Variants in MRC2 observed in about 807,000 individuals in gnomAD.
MRC2 encodes mannose receptor C-type 2.
A neutral mutation model predicts 206.2 loss-of-function variants in MRC2; 84 were observed. The ratio of observed to expected loss-of-function variants is 0.41; its 90% CI spans 0.34 to 0.49. The LOEUF is 0.49. Among genes scored for constraint, MRC2 ranks in the 20% least tolerant of loss-of-function variants. The probability of loss-of-function intolerance (pLI) is 0.31; values close to 1 mark genes in which losing one functional copy is unlikely to be tolerated. For missense variants in MRC2, 1,676 were observed against 2,001.5 expected (o/e 0.84, Z 3.10); for synonymous variants, 798 against 800.0 (o/e 1.00, Z 0.04).
In MRC2 at chr17:62,630,132, G is replaced by A. The variant is rs189994484; in HGVS notation, c.118+2212G>A. Among the ~76,000 whole-genome samples, 24 of 152,342 alleles carry A rather than the reference G, an allele frequency of 1.6e-4. No individual in the cohort carries two copies. The East Asian group carries it at 4.6e-3, about 29-fold the overall frequency. Reference sequence around the variant, plus strand: ...GTTCTTGGGGAGGAGGGAAGGTAGAGAAGAGTGTAAGATGCATCCTCTGGA... The same window carrying A: ...GTTCTTGGGGAGGAGGGAAGGTAGAAAAGAGTGTAAGATGCATCCTCTGGA... On this transcript the variant is annotated intron_variant, in intron 1 of 29. Transcript: ENST00000303375.
At position 62,636,082 on chromosome 17, in the gene MRC2, C is replaced by T. The variant is rs575055279; in HGVS notation, c.118+8162C>T. Among the ~76,000 whole-genome samples the T allele has an allele frequency of 5.6e-3, 843 of 151,800 alleles. 9 individuals carry two copies. Among genetic ancestry groups the T allele is most frequent in the African/African-American group, 0.019 (799 of 41,410 alleles). On this transcript the variant is annotated intron_variant, in intron 1 of 29. Coordinates refer to ENST00000303375, the MANE Select transcript of MRC2 (RefSeq NM_006039.5). The stretch of plus-strand genomic sequence containing the variant: ...GATTACAGGCGTGAGCCACCGCGCC[C>T]GGCCAATTTTTTTTTTTTTAAATTA...
chr17:62,659,976 G>A (rs1000197333), intron 1 of MRC2, among the ~76,000 whole-genome samples: 16 of 152,210 alleles, frequency 1.1e-4, no homozygotes, highest in Non-Finnish European at 1.8e-4. Flanking sequence ...TAGGTGCTGG[G>A]GTTACAGTGG....
intron 1 of MRC2, among the ~76,000 whole-genome samples, chr17:62,631,816 C>T (rs371179623): frequency 6.6e-6 from 1 of 152,172 alleles, no homozygotes; most frequent in African/African-American, 2.4e-5. Context: ...TCCAGCTTCC[C>T]TGAGGTCAAG....
rs2088952667 is a variant in MRC2, at chr17:62,680,659, A to C, written c.2474-141A>C. ...GCAAGCCTGGGGCCTGGGGCCTGGCACGGTGCCTGCCTGGGTCCGGTGTGC... is the reference window on the plus strand; with the variant it reads ...GCAAGCCTGGGGCCTGGGGCCTGGCCCGGTGCCTGCCTGGGTCCGGTGTGC... On this transcript the variant is annotated intron_variant, in intron 16 of 29. Transcript: ENST00000303375. The surrounding 1 kb of genome is among the most constrained non-coding windows in gnomAD (Gnocchi z 4.8). 7.8e-7 allele frequency: 1 copy of C among 1,287,560 alleles called. No individual in the cohort carries two copies. The highest frequency in any genetic ancestry group is 1.0e-6 in the Non-Finnish European group (1 of 964,238). The allele number at this position is 1,287,560 out of a possible 1,614,324, so 79.8% of individuals were successfully genotyped here. A position where few individuals can be genotyped will look rare whatever the true frequency, so the allele number is the denominator to read the frequency against.
rs1384265451 is a variant in MRC2 at position 62,664,752 on chromosome 17, G to C, written c.323G>C (p.Gly108Ala). ...WPGTNTTASL[G>A]MYECDREALN... ...GGCACCAACACCACGGCCTCCCTGG[G>C]CATGTATGAGTGTGACCGGGAAGCA... Residue 108 changes from glycine to alanine, a missense_variant, in exon 2 of 30, where the codon GGC (glycine) becomes GCC (alanine). Gly to Ala is a moderately conservative substitution (Grantham distance 60). Transcript: ENST00000303375. The surrounding 1 kb of genome is among the most constrained non-coding windows in gnomAD (Gnocchi z 4.7). 6.2e-7 allele frequency: 1 copy of C among 1,614,030 alleles called. No individual in the cohort carries two copies. Among genetic ancestry groups the C allele is most frequent in the Admixed American group, 1.7e-5 (1 of 60,034 alleles).
Position 62,678,590 on chromosome 17 carries a change from C to A in MRC2, c.2139C>A (p.Ser713Arg). 1 of 1,610,436 alleles carries A rather than the reference C, an allele frequency of 6.2e-7. No homozygotes were observed. ...AGGAGCTGGGGGCCCAGCTGCTGAG[C>A]CTGGCCAGCTACGAGGAGGAGCACT... ...ACQELGAQLL[S>R]LASYEEEHFV... Residue 713 changes from serine to arginine, a missense_variant, in exon 13 of 30, where the codon AGC becomes AGA. Ser to Arg is a moderately radical substitution (Grantham distance 110). Around this residue, in one of 3 missense-constraint regions of MRC2, gnomAD observed 1,354 missense variants for 1,636.6 expected, o/e 0.83. Coordinates refer to ENST00000303375, the MANE Select transcript of MRC2 (RefSeq NM_006039.5).
At chr17:62,634,467 A>G (rs2088287390) in intron 1 of MRC2, among the ~76,000 whole-genome samples, 1 of 152,114 alleles carries the variant, frequency 6.6e-6, no homozygotes, top group Non-Finnish European at 1.5e-5. Flanking sequence ...CACGTGGCTA[A>G]TGTTTGTACT....
In MRC2 at chr17:62,680,984, G is replaced by C; in HGVS notation, c.2634+24G>C. 1 of 1,611,964 alleles carries C rather than the reference G, an allele frequency of 6.2e-7. No individual in the cohort carries two copies. Among genetic ancestry groups the C allele is most frequent in the Non-Finnish European group, 8.5e-7 (1 of 1,179,086 alleles). On this transcript the variant is annotated intron_variant, in intron 17 of 29. Transcript: ENST00000303375. This position sits in a 1 kb window ranked among gnomAD's most constrained non-coding sequence, Gnocchi z 4.8. Reference sequence around the variant, plus strand: ...AGGTGGGCATTGGATTGAGCAGGGGGCTGCAGGCTGGGGGAGGGCAGGCCC... The same window carrying C: ...AGGTGGGCATTGGATTGAGCAGGGGCCTGCAGGCTGGGGGAGGGCAGGCCC...
intron 1 of MRC2, among the ~76,000 whole-genome samples, chr17:62,663,979 A>G (rs1471592567): frequency 1.6e-4 from 14 of 90,096 alleles, no homozygotes; most frequent in South Asian, 3.6e-4. Flanking sequence ...TTTTTTTTTG[A>G]GACGGAGTCT....
At chr17:62,690,598 C>A (rs201591954) in intron 26 of MRC2, 44 bp from the exon 27 acceptor site, 69 of 1,548,276 alleles carry the variant, frequency 4.5e-5, no homozygotes, top group African/African-American at 2.1e-4. Flanking sequence ...CTCTGCCCCC[C>A]CCGGAGACCC....
rs867595516 is a variant in MRC2 at position 62,661,734 on chromosome 17, T to C, written c.119-2814T>C. The C allele has an allele frequency of 9.1e-4, 138 of 152,308 alleles. 2 individuals are homozygous for C. The highest frequency in any genetic ancestry group is 3.2e-3 in the African/African-American group (133 of 41,572). 9.4% of individuals were successfully genotyped at this position (152,308 alleles called of 1,614,324 possible). On this transcript the variant is annotated intron_variant, in intron 1 of 29. Transcript: ENST00000303375. ...CCATCTTTGGACCAGCCAGAGGCTC[T>C]TTTAATATTGTGGACTTAACTATTT...
At position 62,627,857 on chromosome 17, in the gene MRC2, G is replaced by A. The variant is rs1043827210; in HGVS notation, c.55G>A (p.Val19Ile). 1.2e-5 allele frequency: 18 copies of A among 1,479,704 alleles called. No homozygotes were observed. The highest frequency in any genetic ancestry group is 7.7e-5 in the South Asian group (6 of 78,268). The allele number at this position is 1,479,704 out of a possible 1,614,324, so 91.7% of individuals were successfully genotyped here. A position where few individuals can be genotyped will look rare whatever the true frequency, so the allele number is the denominator to read the frequency against. Residue 19 changes from valine (V) to isoleucine (I), a missense_variant, in exon 1 of 30, where the codon GTC (valine) becomes ATC (isoleucine). This residue lies in a region of MRC2 where 318 missense variants were observed against 346.7 expected (regional missense o/e 0.92). Transcript: ENST00000303375. ...CTGGCCTCGTCACCTGCTGCGCTGC[G>A]TCCTGCTCCTCGGGTGCCTGCACCT... ...APWPRHLLRC[V>I]LLLGCLHLGR...
intron 1 of MRC2, among the ~76,000 whole-genome samples, chr17:62,641,188 G>A (rs945251087): frequency 5.3e-5 from 8 of 151,420 alleles, no homozygotes; most frequent in African/African-American, 1.9e-4. Context: ...GGCTGGGTGC[G>A]ATGGCTCATG....
Position 62,692,424 on chromosome 17 carries a change from C to A in MRC2, c.4413C>A (p.Asp1471Glu). 6.4e-7 allele frequency: 1 copy of A among 1,568,840 alleles called. No individual in the cohort carries two copies. Among genetic ancestry groups the A allele is most frequent in the Non-Finnish European group, 8.6e-7 (1 of 1,156,462 alleles). The change falls in exon 30 of 30, where the codon GAC (aspartate) becomes GAA (glutamate). Residue 1471 changes from aspartate (D) to glutamate (E), a missense_variant. Physicochemically the swap from Asp to Glu is conservative, Grantham distance 45. This residue lies in a region of MRC2 where 1,354 missense variants were observed against 1,636.6 expected (regional missense o/e 0.83). Transcript: ENST00000303375. This position sits in a 1 kb window ranked among gnomAD's most constrained non-coding sequence, Gnocchi z 4.2. ...EATEKNILVS[D>E]MEMNEQQE ...CTGAGAAGAACATCCTGGTGTCAGA[C>A]ATGGAAATGAATGAGCAACAAGAAT... is the stretch of plus-strand genomic sequence containing the variant.
rs566603671 is a variant in MRC2, at chr17:62,675,685, C to G, written c.1570-105C>G. The G allele has an allele frequency of 2.3e-6, 2 of 881,030 alleles. No individual in the cohort carries two copies. The highest frequency in any genetic ancestry group is 3.8e-6 in the Non-Finnish European group (2 of 532,818). The allele number at this position is 881,030 out of a possible 1,614,324, so 54.6% of individuals were successfully genotyped here. A position where few individuals can be genotyped will look rare whatever the true frequency, so the allele number is the denominator to read the frequency against. ...AAACCAGTCCCCTCCGTCCTGAGCA[C>G]GTTCAGTGATGTCCCTGATGGCATC... On this transcript the variant is annotated intron_variant, in intron 9 of 29. Coordinates refer to ENST00000303375, the MANE Select transcript of MRC2 (RefSeq NM_006039.5). The surrounding 1 kb of genome is among the most constrained non-coding windows in gnomAD (Gnocchi z 4.1).
rs758674815 is a variant in MRC2, at chr17:62,667,358, C to T, written c.974-32C>T. On this transcript the variant is annotated intron_variant, in intron 5 of 29. Transcript: ENST00000303375. This position sits in a 1 kb window ranked among gnomAD's most constrained non-coding sequence, Gnocchi z 4.1. ...GGAGCCACGGTGTGAGCTTCTCTCTCCGGGGGTGCTGGCGCCCTGCCCTCC... is the reference window on the plus strand; with the variant it reads ...GGAGCCACGGTGTGAGCTTCTCTCTTCGGGGGTGCTGGCGCCCTGCCCTCC... 3 of 1,569,050 alleles carry T rather than the reference C, an allele frequency of 1.9e-6. No homozygotes were observed. Among genetic ancestry groups the T allele is most frequent in the Non-Finnish European group, 2.6e-6 (3 of 1,158,922 alleles).
In MRC2 at chr17:62,651,861, C is replaced by T. The variant is rs542628804; in HGVS notation, c.119-12687C>T. ...TGCTGGAATTAAAGGCGTGAGCCAC[C>T]GCGCCCTGCCTGACTGTTAATATTT... On this transcript the variant is annotated intron_variant, in intron 1 of 29. Transcript: ENST00000303375. Among the ~76,000 whole-genome samples the T allele has an allele frequency of 2.8e-3, 431 of 152,260 alleles. 3 individuals are homozygous for T. The highest frequency in any genetic ancestry group is 4.7e-3 in the Non-Finnish European group (322 of 68,010).
chr17:62,645,527 A>ATATT (rs1555675934), intron 1 of MRC2, among the ~76,000 whole-genome samples: 41 of 39,542 alleles, frequency 1.0e-3, no homozygotes, highest in African/African-American at 2.0e-3. Context: ...ATATATATAT[A>ATATT]TTTTTTTTTT....
At chr17:62,628,071 C>T (rs1412611564) in intron 1 of MRC2, 151 bp downstream of exon 1, 1 of 524,558 alleles carries the variant, frequency 1.9e-6, no homozygotes, top group African/African-American at 2.0e-5. Flanking sequence ...AACTCGTCTC[C>T]GCTTTTCTGA....
Sources: allele counts gnomAD v4.1 joint callset (sites outside exome capture counted in the v4.1 genomes callset), GRCh38; gene constraint gnomAD v4.1.1; regional missense constraint gnomAD v4.1.1; non-coding constraint Gnocchi (gnomAD v3.1); transcripts MANE v1.5; gene names NCBI Gene and HGNC (gene_info 2026-07-23, HGNC 2026-07-21).